The following KIAA0586 variants were observed in gnomAD, a reference collection of about 807,000 sequenced individuals.
KIAA0586 encodes KIAA0586, also known as protein TALPID3.
KIAA0586 carries 144 observed loss-of-function variants against 169.8 expected under a neutral mutation model. The ratio of observed to expected loss-of-function variants is 0.85; its 90% CI spans 0.74 to 0.97. The LOEUF (loss-of-function observed/expected upper bound fraction) is 0.97. Ranked by LOEUF, KIAA0586 falls within the 50% of genes least tolerant of loss-of-function variation. The probability of loss-of-function intolerance (pLI) is 0.00; values close to 1 mark genes in which losing one functional copy is unlikely to be tolerated. For synonymous variants in KIAA0586, 625 were observed against 612.4 expected (o/e 1.02, Z -0.30); for missense variants, 1,854 against 1,823.0 (o/e 1.02, Z -0.31).
At chr14:58,513,510 G>C (rs2044539707) in intron 29 of KIAA0586, among the ~76,000 whole-genome samples, 1 of 151,704 alleles carries the variant, frequency 6.6e-6, no homozygotes. Flanking sequence ...TAAGGTTTAG[G>C]TTTTCACTCT....
intron 30 of KIAA0586, among the ~76,000 whole-genome samples, chr14:58,542,011 G>A (rs1401210117): frequency 6.6e-6 from 1 of 152,068 alleles, no homozygotes; most frequent in Non-Finnish European, 1.5e-5. Flanking sequence ...CTTTCATGGT[G>A]ATTTATTAAA....
In KIAA0586 at chr14:58,487,884, T is replaced by C; in HGVS notation, c.3305-3T>C. 1 of 1,609,096 alleles carries C rather than the reference T, an allele frequency of 6.2e-7. No individual in the cohort carries two copies. ...TTCTGTCCTTTTAAAAAAAAACCTTTAGGAGATGATATGCCTGCCATCATG... is the reference window on the plus strand; with the variant it reads ...TTCTGTCCTTTTAAAAAAAAACCTTCAGGAGATGATATGCCTGCCATCATG... On this transcript the variant is annotated splice_region_variant and splice_polypyrimidine_tract_variant and intron_variant, in intron 22 of 30. Transcript: ENST00000652326.
Position 58,548,879 on chromosome 14 carries a change from G to A in KIAA0586, c.*947G>A, listed in dbSNP as rs1442898748. ...CTGTAACTTCTTGCTTTGTGATAGG[G>A]GCCAACGAAACGCCTTCTTATCAGC... On this transcript the variant is annotated 3_prime_UTR_variant, in exon 31 of 31. Transcript: ENST00000652326. 1 of 152,090 alleles carries A rather than the reference G, an allele frequency of 6.6e-6. No homozygotes were observed. Among genetic ancestry groups the A allele is most frequent in the Non-Finnish European group, 1.5e-5 (1 of 68,026 alleles). 9.4% of individuals were successfully genotyped at this position (152,090 alleles called of 1,614,324 possible).
chr14:58,504,368 A>G (rs1315033019), intron 27 of KIAA0586, among the ~76,000 whole-genome samples: 1 of 152,180 alleles, frequency 6.6e-6, no homozygotes, highest in Non-Finnish European at 1.5e-5. Context: ...GAATTATTGG[A>G]TAGATGGTCA....
chr14:58,500,667 G>A (rs1453873451), intron 27 of KIAA0586, among the ~76,000 whole-genome samples: 1 of 150,318 alleles, frequency 6.7e-6, no homozygotes, highest in East Asian at 2.0e-4. Context: ...GTTGCAGTGA[G>A]CCGAAATCAC....
chr14:58,443,985 C>A lies in KIAA0586; in HGVS notation c.617C>A (p.Ser206Tyr). 1 of 1,608,824 alleles carries A rather than the reference C, an allele frequency of 6.2e-7. No individual in the cohort carries two copies. The highest frequency in any genetic ancestry group is 8.5e-7 in the Non-Finnish European group (1 of 1,176,964). ...AGTGATTTGGAAGCAAAAGTCAATT[C>A]TGTTACAGAATTACTTAGTAAATTA... is the stretch of plus-strand genomic sequence containing the variant. ...VQSDLEAKVN[S>Y]VTELLSKLQE... Residue 206 changes from serine (S) to tyrosine (Y), a missense_variant, in exon 6 of 31, where the codon TCT (serine) becomes TAT (tyrosine). Transcript: ENST00000652326.
At chr14:58,475,254 G>A (rs940685843) in intron 19 of KIAA0586, among the ~76,000 whole-genome samples, 50 of 152,176 alleles carry the variant, frequency 3.3e-4, no homozygotes, top group African/African-American at 1.2e-3. Context: ...TGTGGCATTA[G>A]ATTTCATAGA....
chr14:58,494,351 T>G (rs1307749447), intron 26 of KIAA0586, among the ~76,000 whole-genome samples: 1 of 151,924 alleles, frequency 6.6e-6, no homozygotes, highest in Non-Finnish European at 1.5e-5. Context: ...GCTTTGCATT[T>G]TAATATCTTT....
chr14:58,536,928 G>A, intron 29 of KIAA0586: 1 of 744,444 alleles, frequency 1.3e-6, no homozygotes. Context: ...AATGTTAATA[G>A]AACTTTATAG....
In KIAA0586 at chr14:58,549,333, A is replaced by G. The variant is rs576505499; in HGVS notation, c.*1401A>G. 6.6e-6 allele frequency: 1 copy of G among 151,934 alleles called. No homozygotes were observed. The highest frequency in any genetic ancestry group is 2.4e-5 in the African/African-American group (1 of 41,428). The allele number at this position is 151,934 out of a possible 1,614,324, so 9.4% of individuals were successfully genotyped here. ...TAATTGATCTTGGATGGGGTCCAGCATTGGTATTAAAAAAAAAAAAAGACC... is the reference window on the plus strand; with the variant it reads ...TAATTGATCTTGGATGGGGTCCAGCGTTGGTATTAAAAAAAAAAAAAGACC... On this transcript the variant is annotated 3_prime_UTR_variant, in exon 31 of 31. Coordinates refer to ENST00000652326, the MANE Select transcript of KIAA0586 (RefSeq NM_001329943.3).
chr14:58,509,484 A>T (rs1941364416), intron 28 of KIAA0586, among the ~76,000 whole-genome samples: 2 of 152,196 alleles, frequency 1.3e-5, no homozygotes, highest in South Asian at 4.1e-4. Context: ...CAAGATGTTA[A>T]TCTAAAAAAG....
At position 58,461,026 on chromosome 14, in the gene KIAA0586, A is replaced by G; in HGVS notation, c.1925A>G (p.Tyr642Cys). The change falls in exon 14 of 31, where the codon TAT becomes TGT. Residue 642 changes from tyrosine to cysteine, a missense_variant. Transcript: ENST00000652326. ...ACCACAGTAATACAAGATGAAGATT[A>G]TATGTTACAAGTCTATGGAAAGCCA... ...KATTVIQDED[Y>C]MLQVYGKPVY... The G allele has an allele frequency of 6.2e-7, 1 of 1,611,056 alleles. No homozygotes were observed. The highest frequency in any genetic ancestry group is 8.5e-7 in the Non-Finnish European group (1 of 1,178,898).
Position 58,430,643 on chromosome 14 carries a change from C to T in KIAA0586, c.271-5C>T, listed in dbSNP as rs755960543. 2 of 1,578,086 alleles carry T rather than the reference C, an allele frequency of 1.3e-6. No individual in the cohort carries two copies. Among genetic ancestry groups the T allele is most frequent in the Admixed American group, 1.8e-5 (1 of 56,326 alleles). ...TAGCCTATTTCTTCCTTTCATATCC[C>T]AAAGGATTTTTCTAAAGACGTTGCA... On this transcript the variant is annotated splice_region_variant and splice_polypyrimidine_tract_variant and intron_variant, in intron 2 of 30. Transcript: ENST00000652326.
intron 24 of KIAA0586, among the ~76,000 whole-genome samples, chr14:58,489,327 C>T (rs1223973832): frequency 1.3e-5 from 2 of 148,888 alleles, no homozygotes; most frequent in African/African-American, 4.9e-5. Context: ...TCAAGTGATA[C>T]TCCCACCTCA....
chr14:58,489,573 A>G (rs118030225), intron 24 of KIAA0586, among the ~76,000 whole-genome samples: 5,768 of 152,068 alleles, frequency 0.038, 150 homozygotes, highest in Non-Finnish European at 0.057. Flanking sequence ...ATCTTTTAAT[A>G]TAACTCCATA....
intron 24 of KIAA0586, among the ~76,000 whole-genome samples, chr14:58,489,392 A>G (rs2042691896): frequency 6.6e-6 from 1 of 151,540 alleles, no homozygotes; most frequent in Admixed American, 6.6e-5. Context: ...GCTAACTTTT[A>G]TATTTTTTGT....
chr14:58,491,621 CT>C (rs1280550055), intron 25 of KIAA0586, among the ~76,000 whole-genome samples: 1 of 152,230 alleles, frequency 6.6e-6, no homozygotes, highest in Non-Finnish European at 1.5e-5. Flanking sequence ...CAGTGAGGGT[CT>C]TCAATACCAA....
At chr14:58,465,742 A>G (rs1299175816) in intron 14 of KIAA0586, 93 bp from the exon 15 acceptor site, 24 of 783,216 alleles carry the variant, frequency 3.1e-5, no homozygotes, top group Non-Finnish European at 4.7e-5. Flanking sequence ...TAGAATTAAG[A>G]TTTTTCTGTG....
At chr14:58,544,028 G>A in intron 30 of KIAA0586, 3 of 411,212 alleles carry the variant, frequency 7.3e-6, no homozygotes, top group South Asian at 3.7e-5. Flanking sequence ...TCACCCTCCA[G>A]TCTCAAGTAG....
Sources: gnomAD v4.1 joint callset for allele counts (sites outside exome capture counted in the v4.1 genomes callset) on GRCh38, gnomAD v4.1.1 for gene constraint, MANE v1.5 for transcripts, NCBI Gene and HGNC (gene_info 2026-07-23, HGNC 2026-07-21) for gene names.